The following TLK1 variants were observed in gnomAD, a reference collection of about 807,000 sequenced individuals.
TLK1 encodes the protein serine/threonine-protein kinase tousled-like 1.
A neutral mutation model predicts 105.3 loss-of-function variants in TLK1; 24 were observed. The ratio of observed to expected loss-of-function variants is 0.23; its 90% CI spans 0.17 to 0.32. TLK1 has a LOEUF of 0.32. Among genes scored for constraint, TLK1 ranks in the 10% least tolerant of loss-of-function variants. The pLI, the probability that TLK1 is intolerant of heterozygous loss-of-function variation, is 1.00. For synonymous variants in TLK1, 321 were observed against 310.4 expected (o/e 1.03, Z -0.36); for missense variants, 558 against 910.5 (o/e 0.61, Z 4.98).
intron 1 of TLK1, among the ~76,000 whole-genome samples, chr2:171,133,269 G>C (rs1278538451): frequency 6.6e-6 from 1 of 152,100 alleles, no homozygotes; most frequent in Non-Finnish European, 1.5e-5. Flanking sequence ...TGACAGATAA[G>C]AAAAGTATCT....
intron 12 of TLK1, among the ~76,000 whole-genome samples, chr2:171,025,110 C>T (rs1685712741): frequency 6.6e-6 from 1 of 152,130 alleles, no homozygotes; most frequent in African/African-American, 2.4e-5. Context: ...TTCTGCCTGA[C>T]TCTCATTCCT....
At chr2:171,048,955 T>C (rs1485617293) in intron 10 of TLK1, among the ~76,000 whole-genome samples, 1 of 152,244 alleles carries the variant, frequency 6.6e-6, no homozygotes, top group Non-Finnish European at 1.5e-5. Flanking sequence ...TAAATCCTTT[T>C]CTACCACCAT....
upstream of TLK1, among the ~76,000 whole-genome samples, chr2:171,165,836 A>T (rs567823628): frequency 6.6e-6 from 1 of 152,016 alleles, no homozygotes; most frequent in Non-Finnish European, 1.5e-5. Flanking sequence ...GCTTGAACCC[A>T]GGAGGCGGAG....
chr2:171,132,372 G>A (rs976347141), intron 1 of TLK1, among the ~76,000 whole-genome samples: 1 of 152,014 alleles, frequency 6.6e-6, no homozygotes, highest in Non-Finnish European at 1.5e-5. Context: ...TACAATTCAA[G>A]ATGAGATTTG....
intron 18 of TLK1, among the ~76,000 whole-genome samples, chr2:170,999,097 A>T (rs1347926259): frequency 6.6e-6 from 1 of 152,202 alleles, no homozygotes; most frequent in Non-Finnish European, 1.5e-5. Flanking sequence ...GAAGGGTAAA[A>T]ATCAATTTGT....
At chr2:171,074,284 C>A (rs76216307) in intron 3 of TLK1, among the ~76,000 whole-genome samples, 1 of 152,148 alleles carries the variant, frequency 6.6e-6, no homozygotes, top group African/African-American at 2.4e-5. Flanking sequence ...CATATTTGTT[C>A]ATTGTATACA....
At chr2:171,184,915 T>C (rs1692997311) in intron 1 of TLK1, among the ~76,000 whole-genome samples, 1 of 152,078 alleles carries the variant, frequency 6.6e-6, no homozygotes, top group South Asian at 2.1e-4. Context: ...CTCGGCTCAC[T>C]ACAAGCTCCG....
At chr2:171,155,458 A>C (rs1004526449) in intron 1 of TLK1, 1 of 152,210 alleles carries the variant, frequency 6.6e-6, no homozygotes, top group Non-Finnish European at 1.5e-5. Flanking sequence ...AAAAATGCAA[A>C]ATAGTAATAA....
chr2:171,087,650 A>G (rs1374960106), intron 2 of TLK1, among the ~76,000 whole-genome samples: 1 of 152,200 alleles, frequency 6.6e-6, no homozygotes, highest in Non-Finnish European at 1.5e-5. Flanking sequence ...TACAAAGAAA[A>G]CCACACCTAC....
At chr2:171,216,973 C>T (rs908294542) in intron 1 of TLK1, among the ~76,000 whole-genome samples, 18 of 152,314 alleles carry the variant, frequency 1.2e-4, no homozygotes, top group Admixed American at 7.8e-4. Context: ...TAAGGCGACA[C>T]ATTTCTGTTA....
intron 12 of TLK1, among the ~76,000 whole-genome samples, chr2:171,016,979 CTTAAT>C: frequency 6.6e-6 from 1 of 152,214 alleles, no homozygotes; most frequent in African/African-American, 2.4e-5. Context: ...CATAGATTCT[CTTAAT>C]TTAACTGAAA....
Position 171,010,710 on chromosome 2 carries a change from C to A in TLK1, c.1416+663G>T, listed in dbSNP as rs145665066. ...TATACATATGCATTTGAGAAACGGA[C>A]TTGACATAGGTAGAAATTTGGATAA... On this transcript the variant is annotated intron_variant, in intron 14 of 20. Coordinates refer to ENST00000431350, the MANE Select transcript of TLK1 (RefSeq NM_012290.5). Among the ~76,000 whole-genome samples, 7 of 151,332 alleles carry A rather than the reference C, an allele frequency of 4.6e-5. No individual in the cohort carries two copies. The East Asian group carries it at 9.7e-4, about 21-fold the overall frequency.
chr2:171,157,799 T>C (rs1280504973), intron 1 of TLK1, among the ~76,000 whole-genome samples: 3 of 152,204 alleles, frequency 2.0e-5, no homozygotes, highest in Admixed American at 6.5e-5. Context: ...GTTCATCACA[T>C]AGAATATTTA....
At chr2:171,144,095 T>C (rs1445008031) in intron 1 of TLK1, among the ~76,000 whole-genome samples, 2 of 151,194 alleles carry the variant, frequency 1.3e-5, no homozygotes, top group East Asian at 1.9e-4. Flanking sequence ...AGAGAAACAT[T>C]TTAAAACAAT....
chr2:171,212,863 A>G (rs746257940), intron 1 of TLK1, among the ~76,000 whole-genome samples: 23 of 149,092 alleles, frequency 1.5e-4, no homozygotes, highest in Non-Finnish European at 4.4e-5. Context: ...CACATGAAGA[A>G]ATAAGAGGAA....
At chr2:171,186,926 C>T (rs570992301) in intron 1 of TLK1, among the ~76,000 whole-genome samples, 13 of 151,376 alleles carry the variant, frequency 8.6e-5, no homozygotes, top group Admixed American at 5.9e-4. Context: ...GGCGTGGTGG[C>T]GGTTGCCTGT....
chr2:171,015,103 G>A lies in TLK1; in HGVS notation c.1237-155C>T, dbSNP rs1426464153. ...AGACCAAAGTGCTCTTTTCAATGCC[G>A]AAAAGATGGAAAGAGATAAGGCAAA... On this transcript the variant is annotated intron_variant, in intron 12 of 20. Coordinates refer to ENST00000431350, the MANE Select transcript of TLK1 (RefSeq NM_012290.5). Among the ~76,000 whole-genome samples, 3 of 151,930 alleles carry A rather than the reference G, an allele frequency of 2.0e-5. No homozygotes were observed. Among genetic ancestry groups the A allele is most frequent in the African/African-American group, 2.4e-5 (1 of 41,352 alleles).
chr2:171,160,275 C>CCA lies in TLK1; in HGVS notation c.139+14_139+15insTG. On this transcript the variant is annotated intron_variant, in intron 1 of 20. Transcript: ENST00000431350. The surrounding 1 kb of genome is among the most constrained non-coding windows in gnomAD (Gnocchi z 4.4). Reference sequence around the variant, plus strand: ...GAGGAGGCCCGCGAGCGGGCGCGGGCGCGGCGGTGCTTACCTTCCCTGGGC... The same window carrying CCA: ...GAGGAGGCCCGCGAGCGGGCGCGGGCCAGCGGCGGTGCTTACCTTCCCTGGGC... 1 of 1,514,022 alleles carries CCA rather than the reference C, an allele frequency of 6.6e-7. No homozygotes were observed. The highest frequency in any genetic ancestry group is 8.8e-7 in the Non-Finnish European group (1 of 1,136,326). 93.8% of individuals were successfully genotyped at this position (1,514,022 alleles called of 1,614,324 possible). A position where few individuals can be genotyped will look rare whatever the true frequency, so the allele number is the denominator to read the frequency against.
intron 1 of TLK1, among the ~76,000 whole-genome samples, chr2:171,221,477 A>AT (rs1208431606): frequency 6.6e-6 from 1 of 152,182 alleles, no homozygotes; most frequent in African/African-American, 2.4e-5. Context: ...TTTATAAGCT[A>AT]TTTTTTAAAA....
Sources: allele counts gnomAD v4.1 joint callset (sites outside exome capture counted in the v4.1 genomes callset), GRCh38; gene constraint gnomAD v4.1.1; non-coding constraint Gnocchi (gnomAD v3.1); transcripts MANE v1.5; gene names NCBI Gene and HGNC (gene_info 2026-07-23, HGNC 2026-07-21).